The following KCNG1 variants were observed in gnomAD, a reference collection of about 807,000 sequenced individuals.
The protein encoded by KCNG1 is voltage-gated potassium channel regulatory subunit KCNG1.
A neutral mutation model predicts 32.4 loss-of-function variants in KCNG1; 17 were observed. The ratio of observed to expected loss-of-function variants is 0.52; its 90% CI spans 0.36 to 0.79. KCNG1 has a LOEUF of 0.79. KCNG1 is among the 30% of genes least tolerant of loss of function. The probability of loss-of-function intolerance (pLI) is 0.00; values close to 1 mark genes in which losing one functional copy is unlikely to be tolerated. For synonymous variants in KCNG1, 358 were observed against 339.9 expected (o/e 1.05, Z -0.59); for missense variants, 441 against 735.2 (o/e 0.60, Z 4.63).
intron 1 of KCNG1, among the ~76,000 whole-genome samples, chr20:51,016,824 T>C (rs1988297186): frequency 6.6e-6 from 1 of 152,192 alleles, no homozygotes; most frequent in South Asian, 2.1e-4. Flanking sequence ...AATCTTCTTT[T>C]CTGACCTGAC....
Position 51,003,946 on chromosome 20 carries a change from C to T in KCNG1, c.*93G>A. The T allele has an allele frequency of 1.4e-6, 2 of 1,441,532 alleles. No individual in the cohort carries two copies. The highest frequency in any genetic ancestry group is 2.3e-4 in the Middle Eastern group (1 of 4,324). The allele number at this position is 1,441,532 out of a possible 1,614,324, so 89.3% of individuals were successfully genotyped here. A position where few individuals can be genotyped will look rare whatever the true frequency, so the allele number is the denominator to read the frequency against. ...GAGTCGGTGCTGCGCCAGGACTGCACTCGGAAGCGGCCTGTCCCTCTCCAG... is the reference window on the plus strand; with the variant it reads ...GAGTCGGTGCTGCGCCAGGACTGCATTCGGAAGCGGCCTGTCCCTCTCCAG... On this transcript the variant is annotated 3_prime_UTR_variant, in exon 3 of 3. Transcript: ENST00000371571.
At chr20:51,008,533 A>G (rs1987928667) in intron 2 of KCNG1, among the ~76,000 whole-genome samples, 1 of 151,594 alleles carries the variant, frequency 6.6e-6, no homozygotes, top group Non-Finnish European at 1.5e-5. Context: ...GGGTCTCACT[A>G]CATTGCCCAG....
In KCNG1 at chr20:51,009,943, G is replaced by T; in HGVS notation, c.396C>A (p.Arg132=). ...CGCGCAGCAGCCGCAGCTTGCCCGC[G>T]CGCAGGAAGGTCAGGATAGTGCCGA... The part of the protein sequence containing the change: ...GAFGTILTFL[R]AGKLRLLREM... Residue 132 remains arginine, a synonymous_variant, in exon 2 of 3, where the codon CGC becomes CGA. Transcript: ENST00000371571. 1 of 1,613,854 alleles carries T rather than the reference G, an allele frequency of 6.2e-7. No individual in the cohort carries two copies. Among genetic ancestry groups the T allele is most frequent in the Non-Finnish European group, 8.5e-7 (1 of 1,179,970 alleles).
rs528711513 is a variant in KCNG1, at chr20:51,009,328, AG to A, written c.774+236del. ...CTGGACACTGTTCTAAACACTGGCA[AG>A]GGGGAGGGCAGTGGTGGGCACAGTG... On this transcript the variant is annotated intron_variant, in intron 2 of 2. Coordinates refer to ENST00000371571, the MANE Select transcript of KCNG1 (RefSeq NM_002237.4). Among the ~76,000 whole-genome samples, 120 of 152,294 alleles carry A rather than the reference AG, an allele frequency of 7.9e-4. 1 individual carries two copies. Among genetic ancestry groups the A allele is most frequent in the African/African-American group, 2.8e-3 (116 of 41,570 alleles).
intron 2 of KCNG1, among the ~76,000 whole-genome samples, chr20:51,008,373 C>G (rs1432817362): frequency 6.6e-6 from 1 of 152,148 alleles, no homozygotes; most frequent in Admixed American, 6.5e-5. Flanking sequence ...CTCTGTCGCC[C>G]AAGCAGGAGT....
intron 1 of KCNG1, chr20:51,012,527 G>A (rs914894911): frequency 2.0e-5 from 3 of 152,234 alleles, no homozygotes; most frequent in South Asian, 2.1e-4. Context: ...AGACCAACAT[G>A]ATAAGGCGAC....
chr20:51,021,854 C>G (rs1988495208), intron 1 of KCNG1, among the ~76,000 whole-genome samples: 1 of 152,078 alleles, frequency 6.6e-6, no homozygotes, highest in African/African-American at 2.4e-5. Context: ...CTCAACTCCT[C>G]CCCACCCTAC....
At position 51,015,466 on chromosome 20, in the gene KCNG1, C is replaced by T. The variant is rs7265842; in HGVS notation, c.-26-5102G>A. Among the ~76,000 whole-genome samples the T allele has an allele frequency of 6.6e-6, 1 of 151,870 alleles. No individual in the cohort carries two copies. Among genetic ancestry groups the T allele is most frequent in the Non-Finnish European group, 1.5e-5 (1 of 67,976 alleles). On this transcript the variant is annotated intron_variant, in intron 1 of 2. Transcript: ENST00000371571. This position sits in a 1 kb window ranked among gnomAD's most constrained non-coding sequence, Gnocchi z 4.4. The stretch of plus-strand genomic sequence containing the variant: ...TGCTGAGCTGATGGGTGTGTGTTTG[C>T]GGGGGGTGAGGGTGTCACCTGGCAG...
Position 51,009,662 on chromosome 20 carries a change from C to T in KCNG1, c.677G>A (p.Gly226Asp). ...MVERPHSGLP[G>D]KVFACLSVLF... The stretch of plus-strand genomic sequence containing the variant: ...CACCGACAGGCAGGCGAACACCTTG[C>T]CAGGCAGCCCCGAGTGCGGCCTCTC... The change falls in exon 2 of 3, where the codon GGC (glycine) becomes GAC (aspartate). Residue 226 changes from glycine to aspartate, a missense_variant. Coordinates refer to ENST00000371571, the MANE Select transcript of KCNG1 (RefSeq NM_002237.4). 1 of 1,605,164 alleles carries T rather than the reference C, an allele frequency of 6.2e-7. No homozygotes were observed.
Position 51,021,859 on chromosome 20 carries a change from C to T in KCNG1, c.-27+1011G>A, listed in dbSNP as rs578163056. Reference sequence around the variant, plus strand: ...ATCAGTGTTTCTCAACTCCTCCCCACCCTACCCCATCACCCGCCCCTAAGG... The same window carrying T: ...ATCAGTGTTTCTCAACTCCTCCCCATCCTACCCCATCACCCGCCCCTAAGG... On this transcript the variant is annotated intron_variant, in intron 1 of 2. Coordinates refer to ENST00000371571, the MANE Select transcript of KCNG1 (RefSeq NM_002237.4). Among the ~76,000 whole-genome samples the T allele has an allele frequency of 1.4e-3, 207 of 152,222 alleles. 1 individual carries two copies. The highest frequency in any genetic ancestry group is 4.8e-3 in the African/African-American group (199 of 41,512).
In KCNG1 at chr20:51,010,238, G is replaced by C; in HGVS notation, c.101C>G (p.Ala34Gly). 1 of 1,548,736 alleles carries C rather than the reference G, an allele frequency of 6.5e-7. No homozygotes were observed. Among genetic ancestry groups the C allele is most frequent in the East Asian group, 2.3e-5 (1 of 44,440 alleles). Residue 34 changes from alanine to glycine, a missense_variant, in exon 2 of 3, where the codon GCC becomes GGC. This residue lies in a region of KCNG1 where 85 missense variants were observed against 98.2 expected (regional missense o/e 0.87). Transcript: ENST00000371571. ...FHPAFLPQRQ[A>G]IKGAFYRRAQ... ...CCGGCGGTAGAACGCGCCCTTGATG[G>C]CCTGGCGCTGCGGGAGGAAGGCCGG...
At chr20:51,011,049 C>T (rs1427339475) in intron 1 of KCNG1, among the ~76,000 whole-genome samples, 1 of 152,140 alleles carries the variant, frequency 6.6e-6, no homozygotes. Context: ...CTCAGACTTG[C>T]AGCCGGCAGA....
intron 1 of KCNG1, among the ~76,000 whole-genome samples, chr20:51,017,143 T>C (rs1459383384): frequency 6.6e-6 from 1 of 152,208 alleles, no homozygotes; most frequent in Non-Finnish European, 1.5e-5. Context: ...TTGTTTATGG[T>C]ACCAGGAGGT....
intron 1 of KCNG1, among the ~76,000 whole-genome samples, chr20:51,012,705 G>A (rs1316022081): frequency 6.6e-6 from 1 of 152,166 alleles, no homozygotes; most frequent in Non-Finnish European, 1.5e-5. Flanking sequence ...TTTGAAAGTT[G>A]AGAAATTTCA....
intron 2 of KCNG1, among the ~76,000 whole-genome samples, chr20:51,008,273 G>C (rs890146067): frequency 6.6e-6 from 1 of 152,084 alleles, no homozygotes; most frequent in African/African-American, 2.4e-5. Flanking sequence ...ACCGCAGGCT[G>C]GTGTATATGT....
intron 2 of KCNG1, 113 bp downstream of exon 2, chr20:51,009,452 A>C: frequency 7.4e-6 from 9 of 1,216,982 alleles, no homozygotes; most frequent in Non-Finnish European, 1.0e-5. Context: ...AGGAGGGACC[A>C]GGGATGCTAT....
In KCNG1 at chr20:51,010,011, C is replaced by T. The variant is rs2123232765; in HGVS notation, c.328G>A (p.Val110Ile). 6.2e-7 allele frequency: 1 copy of T among 1,614,090 alleles called. No homozygotes were observed. ...DILNVCDDYD[V>I]TCNEFFFDRN... is the part of the protein sequence containing the mutation. ...TCGAAGAAGAACTCGTTGCAGGTGA[C>T]GTCGTAGTCATCGCACACGTTGAGG... Residue 110 changes from valine (V) to isoleucine (I), a missense_variant, in exon 2 of 3, where the codon GTC (valine) becomes ATC (isoleucine). Val to Ile is a conservative substitution (Grantham distance 29). Around this residue, in one of 6 missense-constraint regions of KCNG1, gnomAD observed 70 missense variants for 158.4 expected, o/e 0.44. Transcript: ENST00000371571.
intron 2 of KCNG1, among the ~76,000 whole-genome samples, chr20:51,008,501 AT>A (rs35145288): frequency 6.7e-6 from 1 of 149,942 alleles, no homozygotes; most frequent in East Asian, 2.0e-4. Flanking sequence ...GGCTAATTAA[AT>A]TTTTTTTTTC....
Position 51,015,475 on chromosome 20 carries a change from AG to A in KCNG1, c.-26-5112del, listed in dbSNP as rs1988247880. On this transcript the variant is annotated intron_variant, in intron 1 of 2. Transcript: ENST00000371571. This position sits in a 1 kb window ranked among gnomAD's most constrained non-coding sequence, Gnocchi z 4.4. Reference sequence around the variant, plus strand: ...GATGGGTGTGTGTTTGCGGGGGGTGAGGGTGTCACCTGGCAGCTTTGACCTG... The same window carrying A: ...GATGGGTGTGTGTTTGCGGGGGGTGAGGTGTCACCTGGCAGCTTTGACCTG... Among the ~76,000 whole-genome samples, 1 of 151,986 alleles carries A rather than the reference AG, an allele frequency of 6.6e-6. No individual in the cohort carries two copies. The highest frequency in any genetic ancestry group is 1.5e-5 in the Non-Finnish European group (1 of 67,988).
Sources: gnomAD v4.1 joint callset for allele counts (sites outside exome capture counted in the v4.1 genomes callset) on GRCh38, gnomAD v4.1.1 for gene constraint, gnomAD v4.1.1 regional missense constraint, Gnocchi (gnomAD v3.1) non-coding constraint, MANE v1.5 for transcripts, NCBI Gene and HGNC (gene_info 2026-07-23, HGNC 2026-07-21) for gene names.